The following GPR158 variants were observed in gnomAD, a reference collection of about 807,000 sequenced individuals.
The protein encoded by GPR158 is metabotropic glycine receptor.
In GPR158, 30 loss-of-function variants were observed where a neutral mutation model predicts 78.2. The ratio of observed to expected loss-of-function variants is 0.38; its 90% confidence interval spans 0.29 to 0.52. The LOEUF is 0.52. Ranked by LOEUF, GPR158 falls within the 20% of genes least tolerant of loss-of-function variation. The pLI, the probability that GPR158 is intolerant of heterozygous loss-of-function variation, is 0.83. For missense variants in GPR158, 1,463 were observed against 1,523.5 expected, an observed-to-expected ratio of 0.96 and a Z score of 0.66; for synonymous variants, 581 against 591.1, an observed-to-expected ratio of 0.98 and a Z score of 0.25.
chr10:25,475,089 G>C (rs981056127), intron 5 of GPR158, among the ~76,000 whole-genome samples: 1 of 152,104 alleles, frequency 6.6e-6, no homozygotes, highest in Non-Finnish European at 1.5e-5. Context: ...TGAAAGAATT[G>C]CAAGTGTCAG....
At chr10:25,282,022 T>C (rs1296302618) in intron 2 of GPR158, among the ~76,000 whole-genome samples, 3 of 152,234 alleles carry the variant, frequency 2.0e-5, no homozygotes, top group Non-Finnish European at 4.4e-5. Context: ...CACATACCTA[T>C]TAGTTTTGAT....
intron 5 of GPR158, among the ~76,000 whole-genome samples, chr10:25,499,194 CAG>C (rs1835921484): frequency 7.2e-6 from 1 of 138,518 alleles, no homozygotes; most frequent in Non-Finnish European, 1.5e-5. Context: ...AAAACTGTAA[CAG>C]AATTATAATT....
At chr10:25,420,628 T>TTAAGACC (rs1834736858) in intron 4 of GPR158, among the ~76,000 whole-genome samples, 2 of 152,292 alleles carry the variant, frequency 1.3e-5, no homozygotes, top group East Asian at 3.9e-4. Context: ...CCATTTTGAG[T>TTAAGACC]TAATTTTTAT....
At chr10:25,574,953 G>GCTACT (rs1337889984) in intron 7 of GPR158, among the ~76,000 whole-genome samples, 2 of 151,898 alleles carry the variant, frequency 1.3e-5, no homozygotes, top group African/African-American at 4.8e-5. Context: ...TGTAATTCCA[G>GCTACT]CTACTCTAGA....
intron 5 of GPR158, among the ~76,000 whole-genome samples, chr10:25,512,567 T>C (rs181436859): frequency 4.1e-4 from 63 of 152,270 alleles, no homozygotes; most frequent in Non-Finnish European, 7.5e-4. Context: ...AGTACTATGT[T>C]GAATTGAAGT....
At chr10:25,390,809 T>TTTGCA (rs1834285432) in intron 2 of GPR158, among the ~76,000 whole-genome samples, 1 of 152,076 alleles carries the variant, frequency 6.6e-6, no homozygotes, top group Non-Finnish European at 1.5e-5. Context: ...AGAAATTTGC[T>TTTGCA]TAATCACCAA....
At chr10:25,239,083 G>C (rs1006849067) in intron 2 of GPR158, among the ~76,000 whole-genome samples, 1 of 152,122 alleles carries the variant, frequency 6.6e-6, no homozygotes, top group Non-Finnish European at 1.5e-5. Context: ...GGGAGGATGT[G>C]GAGAGTACAT....
chr10:25,438,102 C>T (rs1754248), intron 4 of GPR158, among the ~76,000 whole-genome samples: 104,441 of 152,002 alleles, frequency 0.69, 36,798 homozygotes, highest in Non-Finnish European at 0.78. Context: ...GAGGCAGATG[C>T]CAATGGCTTG....
intron 2 of GPR158, among the ~76,000 whole-genome samples, chr10:25,346,697 T>G (rs1044178824): frequency 6.6e-6 from 1 of 151,968 alleles, no homozygotes; most frequent in Non-Finnish European, 1.5e-5. Flanking sequence ...TTCTTTTGTT[T>G]CCTACAAAGA....
chr10:25,520,434 G>A (rs1459515731), intron 5 of GPR158, among the ~76,000 whole-genome samples: 10 of 150,314 alleles, frequency 6.7e-5, no homozygotes, highest in Admixed American at 3.9e-4. Context: ...CGTTCCTTTG[G>A]AGGAGGAGAG....
At chr10:25,528,374 C>T (rs574361204) in intron 5 of GPR158, among the ~76,000 whole-genome samples, 53 of 151,794 alleles carry the variant, frequency 3.5e-4, no homozygotes, top group African/African-American at 1.2e-3. Flanking sequence ...ATGGGAAGCA[C>T]TAAAATATTT....
chr10:25,516,927 T>C (rs1170985828), intron 5 of GPR158, among the ~76,000 whole-genome samples: 1 of 145,852 alleles, frequency 6.9e-6, no homozygotes, highest in Non-Finnish European at 1.5e-5. Context: ...GGTAGCTTGA[T>C]GGGGATGGCA....
At chr10:25,367,071 T>C (rs1426921848) in intron 2 of GPR158, among the ~76,000 whole-genome samples, 1 of 151,622 alleles carries the variant, frequency 6.6e-6, no homozygotes, top group Admixed American at 6.6e-5. Context: ...TATTTAATAA[T>C]ACCCCAAATC....
intron 5 of GPR158, among the ~76,000 whole-genome samples, chr10:25,491,897 A>T (rs2130648213): frequency 6.6e-6 from 1 of 152,266 alleles, no homozygotes; most frequent in Middle Eastern, 3.4e-3. Flanking sequence ...ATTTGTCATT[A>T]TAGTTATTGC....
At chr10:25,228,256 T>C (rs561854039) in intron 2 of GPR158, among the ~76,000 whole-genome samples, 2 of 152,168 alleles carry the variant, frequency 1.3e-5, no homozygotes, top group African/African-American at 4.8e-5. Flanking sequence ...GCCTGGGCAA[T>C]AGAGTGAGAC....
Position 25,600,611 on chromosome 10 carries a change from C to G in GPR158, c.*1337C>G, listed in dbSNP as rs1837483831. Reference sequence around the variant, plus strand: ...CATAAACTCTTATTCATTGCTTCAGCTACAGGTAGAACTTGCTGGGCTCAA... The same window carrying G: ...CATAAACTCTTATTCATTGCTTCAGGTACAGGTAGAACTTGCTGGGCTCAA... On this transcript the variant is annotated 3_prime_UTR_variant, in exon 11 of 11. Coordinates refer to ENST00000376351, the MANE Select transcript of GPR158 (RefSeq NM_020752.3). The G allele has an allele frequency of 6.6e-6, 1 of 152,574 alleles. No homozygotes were observed. Among genetic ancestry groups the G allele is most frequent in the Non-Finnish European group, 1.5e-5 (1 of 68,042 alleles). The allele number at this position is 152,574 out of a possible 1,614,324, so 9.5% of individuals were successfully genotyped here. A position where few individuals can be genotyped will look rare whatever the true frequency, so the allele number is the denominator to read the frequency against.
In GPR158 at chr10:25,415,156, A is replaced by G. The variant is rs572460581; in HGVS notation, c.1335+2683A>G. On this transcript the variant is annotated intron_variant, in intron 4 of 10. Coordinates refer to ENST00000376351, the MANE Select transcript of GPR158 (RefSeq NM_020752.3). ...CTTAGATATGACAACAGAAGCATAC[A>G]TGACAAAAGTAGATAAATTGGACTT... Among the ~76,000 whole-genome samples, 10 of 152,262 alleles carry G rather than the reference A, an allele frequency of 6.6e-5. No homozygotes were observed. In the East Asian group the frequency reaches 1.9e-3, roughly 29 times the overall value.
rs183758742 is a variant in GPR158 at position 25,521,062 on chromosome 10, T to C, written c.1405-29914T>C. 2.4e-3 allele frequency among the ~76,000 whole-genome samples: 367 copies of C among 152,318 alleles called. 3 individuals carry two copies. The highest frequency in any genetic ancestry group is 8.3e-3 in the African/African-American group (346 of 41,580). On this transcript the variant is annotated intron_variant, in intron 5 of 10. Transcript: ENST00000376351. ...TCCGAGCCAGGTGTGGGATATAGTCTCGTGGTGCGCCATTTCCTAAGCCCG... is the reference window on the plus strand; with the variant it reads ...TCCGAGCCAGGTGTGGGATATAGTCCCGTGGTGCGCCATTTCCTAAGCCCG...
At position 25,351,797 on chromosome 10, in the gene GPR158, A is replaced by G. The variant is rs1019505439; in HGVS notation, c.1009-44114A>G. ...TGTGCACGATGTGCAGGTTTGTTTC[A>G]TAGGTAAATGTGTGCCATGGTGGTT... On this transcript the variant is annotated intron_variant, in intron 2 of 10. Transcript: ENST00000376351. Among the ~76,000 whole-genome samples the G allele has an allele frequency of 4.2e-5, 6 of 143,762 alleles. No individual in the cohort carries two copies. In the East Asian group the frequency reaches 8.1e-4, roughly 19 times the overall value. 94.3% of individuals were successfully genotyped at this position (143,762 alleles called of 152,430 possible).
Sources: gnomAD v4.1 joint callset for allele counts (sites outside exome capture counted in the v4.1 genomes callset) on GRCh38, gnomAD v4.1.1 for gene constraint, MANE v1.5 for transcripts, NCBI Gene and HGNC (gene_info 2026-07-23, HGNC 2026-07-21) for gene names.